Variants in PLS1 observed in about 807,000 individuals in gnomAD.
The protein encoded by PLS1 is plastin-1.
PLS1 carries 32 observed loss-of-function variants against 73.7 expected under a neutral mutation model. That is an observed-to-expected ratio of 0.43 (90% CI 0.33 to 0.58). The LOEUF is 0.58. Ranked by LOEUF, PLS1 falls within the 20% of genes least tolerant of loss-of-function variation. The probability of loss-of-function intolerance (pLI) is 0.04; values close to 1 mark genes in which losing one functional copy is unlikely to be tolerated. For missense variants in PLS1, 633 were observed against 740.5 expected (o/e 0.85, Z 1.68); for synonymous variants, 217 against 261.3 (o/e 0.83, Z 1.63).
rs566914162 is a variant in PLS1 at position 142,606,351 on chromosome 3, A to G, written c.-37+9842A>G. Among the ~76,000 whole-genome samples the G allele has an allele frequency of 1.2e-3, 179 of 152,316 alleles. 1 individual carries two copies. The highest frequency in any genetic ancestry group is 3.8e-3 in the African/African-American group (157 of 41,556). On this transcript the variant is annotated intron_variant, in intron 1 of 15. Transcript: ENST00000457734. ...TAAAGCAAGCAGCGGGACTTCTCAGAGAAATTAAAGGTTTCATATCAACCA... is the reference window on the plus strand; with the variant it reads ...TAAAGCAAGCAGCGGGACTTCTCAGGGAAATTAAAGGTTTCATATCAACCA...
intron 3 of PLS1, 56 bp from the exon 4 acceptor site, chr3:142,670,937 T>G: frequency 3.3e-6 from 4 of 1,227,622 alleles, no homozygotes; most frequent in Non-Finnish European, 4.7e-6. Flanking sequence ...AAATATCCAT[T>G]TTGTCAGGTT....
chr3:142,704,737 C>T (rs1394134461), intron 14 of PLS1, 151 bp downstream of exon 14: 3 of 389,068 alleles, frequency 7.7e-6, no homozygotes, highest in East Asian at 1.0e-4. Context: ...CAAGCTCTGC[C>T]TCCCAGGTTC....
intron 1 of PLS1, among the ~76,000 whole-genome samples, chr3:142,649,408 G>T (rs1577836269): frequency 2.6e-5 from 4 of 151,394 alleles, no homozygotes; most frequent in Admixed American, 2.6e-4. Context: ...GGCTGAGAAG[G>T]ATGGATCACC....
intron 12 of PLS1, among the ~76,000 whole-genome samples, chr3:142,700,390 T>G (rs931936399): frequency 1.7e-4 from 26 of 152,128 alleles, no homozygotes; most frequent in African/African-American, 6.3e-4. Flanking sequence ...TGGCATGATC[T>G]CGGCTAACTG....
chr3:142,638,543 G>A (rs894401879), intron 1 of PLS1, among the ~76,000 whole-genome samples: 1 of 152,106 alleles, frequency 6.6e-6, no homozygotes, highest in Admixed American at 6.6e-5. Flanking sequence ...TTTAGCATGT[G>A]TCTTTAAACT....
chr3:142,670,886 A>G (rs759910748), intron 3 of PLS1, 107 bp from the exon 4 acceptor site: 2 of 687,748 alleles, frequency 2.9e-6, no homozygotes, highest in East Asian at 2.8e-5. Flanking sequence ...ACAACTGACT[A>G]GTATTTAATT....
intron 1 of PLS1, among the ~76,000 whole-genome samples, chr3:142,605,616 G>T (rs2036004147): frequency 6.6e-6 from 1 of 152,150 alleles, no homozygotes; most frequent in Non-Finnish European, 1.5e-5. Flanking sequence ...TGGGACTTCA[G>T]TCTAGCTCCA....
intron 1 of PLS1, among the ~76,000 whole-genome samples, chr3:142,661,816 C>T (rs910235042): frequency 1.1e-4 from 17 of 152,270 alleles, no homozygotes; most frequent in Admixed American, 3.3e-4. Context: ...TCATCTTTAG[C>T]TTTACACTGA....
intron 1 of PLS1, among the ~76,000 whole-genome samples, chr3:142,654,384 C>T (rs752344884): frequency 6.6e-6 from 1 of 152,122 alleles, no homozygotes; most frequent in Non-Finnish European, 1.5e-5. Flanking sequence ...CTTGCTCTGT[C>T]GCCCAGGCTG....
intron 1 of PLS1, chr3:142,656,744 T>A (rs1162214307): frequency 6.6e-6 from 1 of 152,148 alleles, no homozygotes; most frequent in African/African-American, 2.4e-5. Context: ...TGTAAACTTG[T>A]AATGGAGGGC....
At chr3:142,678,570 A>G (rs976074693) in intron 6 of PLS1, among the ~76,000 whole-genome samples, 44 of 151,250 alleles carry the variant, frequency 2.9e-4, no homozygotes, top group Non-Finnish European at 5.2e-4. Flanking sequence ...ATGATTTCCA[A>G]TTTCATCCAT....
chr3:142,634,915 CTT>C (rs762435544), intron 1 of PLS1, among the ~76,000 whole-genome samples: 21 of 141,794 alleles, frequency 1.5e-4, no homozygotes, highest in East Asian at 2.1e-4. Context: ...ACCATTGTAA[CTT>C]TTTTTTTTTT....
At chr3:142,656,898 A>G (rs369895501) in intron 1 of PLS1, 7 of 152,356 alleles carry the variant, frequency 4.6e-5, no homozygotes, top group East Asian at 1.9e-4. Flanking sequence ...ATCTCAGTCA[A>G]TTCTCCATAG....
chr3:142,678,165 G>T, intron 6 of PLS1, 52 bp downstream of exon 6: 1 of 817,290 alleles, frequency 1.2e-6, no homozygotes, highest in Non-Finnish European at 1.9e-6. Flanking sequence ...AGAAATATAA[G>T]ACCTTTATTA....
intron 6 of PLS1, among the ~76,000 whole-genome samples, chr3:142,682,392 A>G (rs1242892166): frequency 6.6e-6 from 1 of 152,212 alleles, no homozygotes; most frequent in African/African-American, 2.4e-5. Context: ...ATGCCAGTGA[A>G]GACAAGAGGA....
intron 1 of PLS1, among the ~76,000 whole-genome samples, chr3:142,634,174 A>C (rs1330393390): frequency 6.6e-6 from 1 of 152,222 alleles, no homozygotes; most frequent in African/African-American, 2.4e-5. Flanking sequence ...AATAGCAGTA[A>C]TTTGCATGAT....
intron 14 of PLS1, among the ~76,000 whole-genome samples, chr3:142,711,173 T>G (rs1933109551): frequency 6.6e-6 from 1 of 152,204 alleles, no homozygotes; most frequent in South Asian, 2.1e-4. Flanking sequence ...GAGTAGAATT[T>G]ATAAAATTGT....
intron 10 of PLS1, among the ~76,000 whole-genome samples, chr3:142,690,423 T>C (rs532177347): frequency 5.2e-4 from 79 of 152,340 alleles, no homozygotes; most frequent in African/African-American, 1.6e-3. Flanking sequence ...GATATTTTAC[T>C]TTTTGCATTG....
chr3:142,667,138 C>T (rs1577863752), intron 2 of PLS1, among the ~76,000 whole-genome samples: 2 of 152,198 alleles, frequency 1.3e-5, no homozygotes, highest in East Asian at 1.9e-4. Context: ...ATGAGATGGC[C>T]GGGTGCGGTG....
Sources: gnomAD v4.1 joint callset for allele counts (sites outside exome capture counted in the v4.1 genomes callset) on GRCh38, gnomAD v4.1.1 for gene constraint, MANE v1.5 for transcripts, NCBI Gene and HGNC (gene_info 2026-07-23, HGNC 2026-07-21) for gene names.